BNIP2: variants seen among roughly 807,000 people sequenced by gnomAD.
BNIP2 encodes BCL2 interacting protein 2.
Under a neutral mutation model 43.4 loss-of-function variants are expected in BNIP2, and 36 were observed. The ratio of observed to expected loss-of-function variants is 0.83; its 90% CI spans 0.64 to 1.10. The LOEUF (loss-of-function observed/expected upper bound fraction) is 1.10. BNIP2 is among the 50% of genes least tolerant of loss of function. The probability of loss-of-function intolerance (pLI) is 0.00; values close to 1 mark genes in which losing one functional copy is unlikely to be tolerated. For missense variants in BNIP2, 417 were observed against 374.1 expected, an observed-to-expected ratio of 1.11 and a Z score of -0.95; for synonymous variants, 146 against 121.0, an observed-to-expected ratio of 1.21 and a Z score of -1.35.
intron 5 of BNIP2, 107 bp downstream of exon 5, chr15:59,677,804 G>C: frequency 1.5e-6 from 2 of 1,340,378 alleles, no homozygotes; most frequent in Non-Finnish European, 2.0e-6. Context: ...CCTAGCGCCT[G>C]TGTTCTGTAC....
intron 9 of BNIP2, among the ~76,000 whole-genome samples, chr15:59,666,740 T>G (rs1946108492): frequency 6.6e-6 from 1 of 152,138 alleles, no homozygotes. Flanking sequence ...TGACAAAAAT[T>G]TATTATTTTT....
intron 8 of BNIP2, 117 bp downstream of exon 8, chr15:59,669,159 G>T: frequency 1.0e-6 from 1 of 1,001,172 alleles, no homozygotes; most frequent in Non-Finnish European, 1.5e-6. Flanking sequence ...ATTATACAAT[G>T]TATACACATA....
intron 4 of BNIP2, chr15:59,678,956 G>A: frequency 6.5e-6 from 6 of 922,568 alleles, no homozygotes; most frequent in Admixed American, 4.0e-5. Flanking sequence ...GAAGAAAAAA[G>A]AAACCAAAAA....
At chr15:59,677,421 C>T in intron 5 of BNIP2, 1 of 1,474,034 alleles carries the variant, frequency 6.8e-7, no homozygotes, top group East Asian at 2.5e-5. Context: ...TGGACACAGT[C>T]CTAGGAACCA....
intron 4 of BNIP2, 90 bp from the exon 5 acceptor site, chr15:59,678,177 A>G: frequency 6.9e-7 from 1 of 1,440,966 alleles, no homozygotes; most frequent in Non-Finnish European, 9.1e-7. Context: ...GATTTTACAG[A>G]GAATTTTCAT....
chr15:59,664,252 AAC>A, intron 9 of BNIP2, 132 bp from the exon 10 acceptor site: 1 of 512,700 alleles, frequency 2.0e-6, no homozygotes, highest in Non-Finnish European at 3.2e-6. Context: ...ACATAGTAAA[AAC>A]AGTTACCAAA....
rs764469135 is a variant in BNIP2 at position 59,680,258 on chromosome 15, C to T, written c.101G>A (p.Gly34Glu). Residue 34 changes from glycine to glutamate, a missense_variant, in exon 3 of 10, where the codon GGA (glycine) becomes GAA (glutamate). Coordinates refer to ENST00000607373, the MANE Select transcript of BNIP2 (RefSeq NM_004330.4). The part of the protein sequence containing the change: ...SIEADILAIT[G>E]PEDQPGSLEV... ...GCTCTTACCAGGCTGGTCCTCTGGT[C>T]CAGTTATAGCTAGTATATCTGCTTC... 1 of 1,596,212 alleles carries T rather than the reference C, an allele frequency of 6.3e-7. No homozygotes were observed. Among genetic ancestry groups the T allele is most frequent in the Non-Finnish European group, 8.5e-7 (1 of 1,169,856 alleles).
rs1892139203 is a variant in BNIP2 at position 59,659,503 on chromosome 15, T to C, written c.*4566A>G. 6.6e-6 allele frequency: 1 copy of C among 152,238 alleles called. No individual in the cohort carries two copies. The allele number at this position is 152,238 out of a possible 1,614,324, so 9.4% of individuals were successfully genotyped here. The stretch of plus-strand genomic sequence containing the variant: ...AACTCTGAATTGTGTTCTGTGTGAA[T>C]AGTGCTCCAAGGGCTGTGCAAGTCA... On this transcript the variant is annotated 3_prime_UTR_variant, in exon 10 of 10. Transcript: ENST00000607373.
chr15:59,677,110 T>C (rs1459952991), intron 5 of BNIP2: 1 of 1,607,172 alleles, frequency 6.2e-7, no homozygotes, highest in Non-Finnish European at 8.5e-7. Context: ...ATGGGCAAGG[T>C]CAAGGATATT....
chr15:59,664,299 A>T (rs1418368728), intron 9 of BNIP2, among the ~76,000 whole-genome samples, 179 bp from the exon 10 acceptor site: 2 of 152,266 alleles, frequency 1.3e-5, no homozygotes, highest in Non-Finnish European at 2.9e-5. Flanking sequence ...GAATTTTTAA[A>T]GGCAGGAGGA....
intron 9 of BNIP2, among the ~76,000 whole-genome samples, chr15:59,666,069 C>A (rs1181775145): frequency 9.3e-6 from 1 of 107,976 alleles, no homozygotes; most frequent in Non-Finnish European, 2.2e-5. Flanking sequence ...TTAAACTCCC[C>A]TGAAACATTT....
chr15:59,680,678 G>T (rs1391561521), intron 2 of BNIP2, among the ~76,000 whole-genome samples: 2 of 152,188 alleles, frequency 1.3e-5, no homozygotes, highest in South Asian at 2.1e-4. Context: ...TGGGATTACA[G>T]GCATGAGCCA....
chr15:59,676,714 G>A, intron 5 of BNIP2: 4 of 920,810 alleles, frequency 4.3e-6, no homozygotes, highest in Non-Finnish European at 6.5e-6. Context: ...CGAGCGCAGT[G>A]GAGTGCCGCG....
At chr15:59,686,996 GAC>G (rs1367160333) in intron 1 of BNIP2, among the ~76,000 whole-genome samples, 1 of 152,146 alleles carries the variant, frequency 6.6e-6, no homozygotes, top group African/African-American at 2.4e-5. Context: ...CAGCCTGGGT[GAC>G]AGAGCGAGAC....
At chr15:59,665,643 A>C (rs1892527471) in intron 9 of BNIP2, among the ~76,000 whole-genome samples, 1 of 152,060 alleles carries the variant, frequency 6.6e-6, no homozygotes, top group South Asian at 2.1e-4. Flanking sequence ...CAAAAAGCTT[A>C]TTTATTTAGT....
At chr15:59,687,339 A>G (rs1260221234) in intron 1 of BNIP2, among the ~76,000 whole-genome samples, 47 of 144,190 alleles carry the variant, frequency 3.3e-4, no homozygotes, top group African/African-American at 1.1e-3. Context: ...ATGTAACATG[A>G]CATCTTTTCA....
intron 5 of BNIP2, 117 bp from the exon 6 acceptor site, chr15:59,672,856 A>G (rs2081839106): frequency 1.5e-6 from 1 of 660,042 alleles, no homozygotes; most frequent in Non-Finnish European, 2.5e-6. Context: ...AGATTTCTGT[A>G]TTAAATGTAT....
In BNIP2 at chr15:59,677,928, T is replaced by G; in HGVS notation, c.455A>C (p.Lys152Thr). ...ACTCTTACCCCCATGGCTGATAACT[T>G]TTTTATAGGGTTCAATTGCCTTCAT... is the stretch of plus-strand genomic sequence containing the variant. ...VDMKAIEPYKKVISHGGYYGD... is the reference protein window; with the variant it reads ...VDMKAIEPYKTVISHGGYYGD... Residue 152 changes from lysine to threonine, a missense_variant, in exon 5 of 10, where the codon AAA (lysine) becomes ACA (threonine). Coordinates refer to ENST00000607373, the MANE Select transcript of BNIP2 (RefSeq NM_004330.4). The G allele has an allele frequency of 6.2e-7, 1 of 1,609,280 alleles. No individual in the cohort carries two copies. Among genetic ancestry groups the G allele is most frequent in the Non-Finnish European group, 8.5e-7 (1 of 1,178,568 alleles).
At chr15:59,682,365 A>T in intron 2 of BNIP2, 43 bp downstream of exon 2, 1 of 1,531,536 alleles carries the variant, frequency 6.5e-7, no homozygotes. Flanking sequence ...AGAAATTTTG[A>T]ACTTTTGCTC....
Sources: allele counts gnomAD v4.1 joint callset (sites outside exome capture counted in the v4.1 genomes callset), GRCh38; gene constraint gnomAD v4.1.1; transcripts MANE v1.5; gene names NCBI Gene and HGNC (gene_info 2026-07-23, HGNC 2026-07-21).